Variants in PDK3 observed in about 807,000 individuals in gnomAD.
PDK3 encodes pyruvate dehydrogenase kinase 3, also known as pyruvate dehydrogenase kinase, isozyme 3.
Under a neutral mutation model 32.0 loss-of-function variants are expected in PDK3, and 12 were observed. The observed-to-expected ratio is 0.37, with a 90% CI of 0.24 to 0.61. The LOEUF is 0.61. Ranked by LOEUF, PDK3 falls within the 20% of genes least tolerant of loss-of-function variation. The pLI is 0.65. For synonymous variants in PDK3, 122 were observed against 116.3 expected (o/e 1.05, Z -0.31); for missense variants, 188 against 316.9 (o/e 0.59, Z 3.09).
chrX:24,546,323 G>A (rs1027694220), exon 12 of PDK3: 3 of 111,850 alleles, frequency 2.7e-5, no homozygotes, highest in Admixed American at 9.5e-5. Flanking sequence ...TAGGACTTCA[G>A]AACTTATTAT....
At chrX:24,509,221 C>G (rs975671276) in intron 5 of PDK3, among the ~76,000 whole-genome samples, 3 of 111,681 alleles carry the variant, frequency 2.7e-5, no homozygotes, top group African/African-American at 9.8e-5. Flanking sequence ...TTTGCTTTGT[C>G]CCTTTTAGAC....
chrX:24,476,937 C>T (rs1481757371), intron 1 of PDK3, among the ~76,000 whole-genome samples: 1 of 112,183 alleles, frequency 8.9e-6, no homozygotes, highest in Non-Finnish European at 1.9e-5. Context: ...TGTTCTAAGA[C>T]AAATCAGTTC....
chrX:24,545,865 A>G (rs1922986142), exon 12 of PDK3: 1 of 111,965 alleles, frequency 8.9e-6, no homozygotes, highest in Non-Finnish European at 1.9e-5. Context: ...GAGACAGACT[A>G]GAAACACAAA....
downstream of PDK3, among the ~76,000 whole-genome samples, chrX:24,535,521 AAG>A (rs1231596131): frequency 7.3e-4 from 68 of 92,998 alleles, no homozygotes; most frequent in South Asian, 6.9e-3. Flanking sequence ...AAAAAAAAAA[AAG>A]AAGAAGAAGA....
chrX:24,465,666 G>A, intron 1 of PDK3, 105 bp downstream of exon 1: 1 of 605,315 alleles, frequency 1.7e-6, no homozygotes, highest in South Asian at 3.0e-5. Flanking sequence ...AACCGCAGGC[G>A]GGGCTAGGGA....
chrX:24,467,783 G>T (rs1940076870), intron 1 of PDK3, among the ~76,000 whole-genome samples: 1 of 111,829 alleles, frequency 8.9e-6, no homozygotes, highest in Non-Finnish European at 1.9e-5. Flanking sequence ...TCATGCCCCT[G>T]TATGATTAGA....
rs776432821 is a variant in PDK3 at position 24,465,311 on chromosome X, T to G, written c.-145T>G. 38 of 355,995 alleles carry G rather than the reference T, an allele frequency of 1.1e-4. No homozygotes were observed. Among genetic ancestry groups the G allele is most frequent in the African/African-American group, 9.6e-4 (35 of 36,432 alleles). The allele number at this position is 355,995 out of a possible 1,213,427, so 29.3% of individuals were successfully genotyped here. A position where few individuals can be genotyped will look rare whatever the true frequency, so the allele number is the denominator to read the frequency against. ...GCTGTCCTGGAGCTGCTGCTGCTGC[T>G]GCGGCGGCTGCACCGGCGGCGCCGA... On this transcript the variant is annotated 5_prime_UTR_variant, in exon 1 of 11. Transcript: ENST00000379162.
intron 1 of PDK3, among the ~76,000 whole-genome samples, chrX:24,467,955 A>C (rs1940078284): frequency 9.0e-6 from 1 of 111,726 alleles, no homozygotes; most frequent in Admixed American, 9.5e-5. Context: ...TTTCAAGAGA[A>C]CTTTGGCATA....
At chrX:24,502,721 G>A (rs896386391) in intron 3 of PDK3, among the ~76,000 whole-genome samples, 4 of 111,085 alleles carry the variant, frequency 3.6e-5, no homozygotes, top group African/African-American at 1.3e-4. Context: ...GCGTACACCT[G>A]TAGTCTCAGC....
At chrX:24,526,511 T>C (rs891904106) in intron 7 of PDK3, among the ~76,000 whole-genome samples, 2 of 112,515 alleles carry the variant, frequency 1.8e-5, no homozygotes, top group African/African-American at 6.5e-5. Context: ...AATTGCACTT[T>C]AGTGATTTTA....
At chrX:24,528,964 CTGAT>C (rs1922584004) in intron 9 of PDK3, among the ~76,000 whole-genome samples, 2 of 112,631 alleles carry the variant, frequency 1.8e-5, no homozygotes, top group African/African-American at 6.5e-5. Flanking sequence ...TCGTACCTGA[CTGAT>C]AAGCACATAA....
intron 2 of PDK3, among the ~76,000 whole-genome samples, chrX:24,497,788 A>C (rs745800652): frequency 1.8e-5 from 2 of 112,405 alleles, no homozygotes; most frequent in Non-Finnish European, 1.9e-5. Context: ...TAAAGCTTAG[A>C]AATAATTAGA....
chrX:24,493,645 C>T (rs374335575), intron 1 of PDK3, among the ~76,000 whole-genome samples: 8 of 111,752 alleles, frequency 7.2e-5, no homozygotes, highest in Middle Eastern at 9.2e-3. Context: ...CCACGGAGAC[C>T]GGAAGGACCA....
intron 1 of PDK3, among the ~76,000 whole-genome samples, chrX:24,473,594 G>A (rs1921031485): frequency 9.3e-6 from 1 of 107,989 alleles, no homozygotes; most frequent in East Asian, 3.0e-4. Context: ...CTGCCACCAC[G>A]CCTGGCTTAT....
At chrX:24,514,915 A>G (rs1922214607) in intron 5 of PDK3, among the ~76,000 whole-genome samples, 1 of 111,575 alleles carries the variant, frequency 9.0e-6, no homozygotes, top group South Asian at 3.7e-4. Flanking sequence ...TTTCTTTTAA[A>G]TTTGGTAACG....
intron 1 of PDK3, among the ~76,000 whole-genome samples, chrX:24,479,960 C>T (rs746329239): frequency 2.7e-5 from 3 of 111,674 alleles, no homozygotes; most frequent in Non-Finnish European, 5.6e-5. Flanking sequence ...AAGAAGATGA[C>T]TCACACGTAT....
intron 1 of PDK3, among the ~76,000 whole-genome samples, chrX:24,477,461 A>C (rs1430503578): frequency 9.0e-6 from 1 of 111,716 alleles, no homozygotes; most frequent in African/African-American, 3.3e-5. Context: ...AAAACTGAAG[A>C]CATTTGGAAA....
chrX:24,475,103 A>G (rs1423901037), intron 1 of PDK3, among the ~76,000 whole-genome samples: 1 of 111,980 alleles, frequency 8.9e-6, no homozygotes, highest in Non-Finnish European at 1.9e-5. Flanking sequence ...TTTTAAAAAA[A>G]TTATGTTAGG....
intron 6 of PDK3, among the ~76,000 whole-genome samples, chrX:24,520,547 C>T (rs776520010): frequency 3.6e-5 from 4 of 112,094 alleles, no homozygotes; most frequent in Non-Finnish European, 7.5e-5. Context: ...CATATGATTA[C>T]ATATTTATTT....
Sources: gnomAD v4.1 joint callset for allele counts (sites outside exome capture counted in the v4.1 genomes callset) on GRCh38, gnomAD v4.1.1 for gene constraint, MANE v1.5 for transcripts, NCBI Gene and HGNC (gene_info 2026-07-23, HGNC 2026-07-21) for gene names.